The following IQANK1 variants were observed in gnomAD, a reference collection of about 807,000 sequenced individuals.
The protein encoded by IQANK1 is IQ motif and ankyrin repeat containing 1.
IQANK1 carries 30 observed loss-of-function variants against 22.6 expected under a neutral mutation model. That is an observed-to-expected ratio of 1.33 (90% CI 0.99 to 1.80). The LOEUF (loss-of-function observed/expected upper bound fraction) is 1.80. Among genes scored for constraint, IQANK1 ranks in the 40% most tolerant of loss-of-function variants. The pLI is 0.00. For missense variants in IQANK1, 275 were observed against 235.2 expected (o/e 1.17, Z -1.11); for synonymous variants, 122 against 99.6 (o/e 1.23, Z -1.34).
intron 3 of IQANK1, among the ~76,000 whole-genome samples, chr8:143,768,878 T>C (rs2129900109): frequency 6.6e-6 from 1 of 152,262 alleles, no homozygotes; most frequent in Admixed American, 6.5e-5. Flanking sequence ...CAAATGAAGA[T>C]GACTTTGACT....
At chr8:143,738,037 G>C (rs1554625922) in intron 2 of IQANK1, among the ~76,000 whole-genome samples, 1 of 152,154 alleles carries the variant, frequency 6.6e-6, no homozygotes, top group Non-Finnish European at 1.5e-5. Context: ...GCTCTGGCCT[G>C]GCCACCCTGG....
At chr8:143,746,870 A>AT (rs1386155868) in intron 3 of IQANK1, among the ~76,000 whole-genome samples, 2 of 151,598 alleles carry the variant, frequency 1.3e-5, no homozygotes, top group Admixed American at 6.6e-5. Context: ...TTTTTTATTT[A>AT]TTTATTTTAT....
chr8:143,747,966 T>TC lies in IQANK1; in HGVS notation c.175+8020dup, dbSNP rs782212609. Among the ~76,000 whole-genome samples, 405 of 138,994 alleles carry TC rather than the reference T, an allele frequency of 2.9e-3. 2 individuals carry two copies. Among genetic ancestry groups the TC allele is most frequent in the African/African-American group, 0.011 (379 of 33,200 alleles). The allele number at this position is 138,994 out of a possible 152,430, so 91.2% of individuals were successfully genotyped here. ...TCCTTTCCTTTCCTTTCCTTTCCTT[T>TC]CCTTTCCCTTTCCTTTCCCTTTCCT... On this transcript the variant is annotated intron_variant, in intron 3 of 13. Coordinates refer to ENST00000527139, the MANE Select transcript of IQANK1 (RefSeq NM_001381874.1).
At chr8:143,751,076 ACTCT>A (rs1455653135) in intron 3 of IQANK1, among the ~76,000 whole-genome samples, 1 of 151,812 alleles carries the variant, frequency 6.6e-6, no homozygotes, top group Non-Finnish European at 1.5e-5. Flanking sequence ...TAAAGTTCTA[ACTCT>A]CCAATTTGAA....
At chr8:143,737,013 T>C (rs1159117578) in intron 2 of IQANK1, among the ~76,000 whole-genome samples, 1 of 152,038 alleles carries the variant, frequency 6.6e-6, no homozygotes, top group African/African-American at 2.4e-5. Context: ...GCCAGAGAGC[T>C]CCCAGATTCA....
intron 3 of IQANK1, among the ~76,000 whole-genome samples, chr8:143,740,152 C>T (rs1554626281): frequency 6.6e-6 from 1 of 152,126 alleles, no homozygotes; most frequent in African/African-American, 2.4e-5. Flanking sequence ...GCCCCTCCCG[C>T]CGCGCCCCGC....
rs1374610459 is a variant in IQANK1 at position 143,772,186 on chromosome 8, C to A, written c.606C>A (p.Gly202=). Residue 202 remains glycine, a synonymous_variant, in exon 6 of 14, where the codon GGC becomes GGA. Coordinates refer to ENST00000527139, the MANE Select transcript of IQANK1 (RefSeq NM_001381874.1). ...CGCCGCTGTCGGAGGCGGCCGCAGG[C>A]GGGCAGCCCCTGGCCATCCAGCTGC... ...GNTPLSEAAA[G]GQPLAIQLRA... is the part of the protein sequence containing the mutation. 26 of 393,696 alleles carry A rather than the reference C, an allele frequency of 6.6e-5. No individual in the cohort carries two copies. Among genetic ancestry groups the A allele is most frequent in the Non-Finnish European group, 1.3e-5 (3 of 222,930 alleles). 24.4% of individuals were successfully genotyped at this position (393,696 alleles called of 1,614,324 possible).
chr8:143,751,678 A>ATATATATATATATATATAT (rs1554628061), intron 3 of IQANK1, among the ~76,000 whole-genome samples: 40 of 139,050 alleles, frequency 2.9e-4, no homozygotes, highest in East Asian at 6.1e-4. Context: ...ATATATATAT[A>ATATATATATATATATATAT]AAATCCTATA....
chr8:143,742,824 G>A (rs1554626771), intron 3 of IQANK1: 2 of 456,128 alleles, frequency 4.4e-6, no homozygotes, highest in African/African-American at 2.0e-5. Flanking sequence ...GGGCCACACT[G>A]GGGATGGTCC....
intron 3 of IQANK1, among the ~76,000 whole-genome samples, chr8:143,766,936 ATC>A (rs1819492069): frequency 1.3e-5 from 2 of 152,074 alleles, no homozygotes; most frequent in African/African-American, 4.8e-5. Context: ...ACTGACTGAA[ATC>A]TCTATTCTTT....
intron 3 of IQANK1, among the ~76,000 whole-genome samples, chr8:143,743,355 AGC>A (rs1485847733): frequency 2.0e-5 from 3 of 152,284 alleles, no homozygotes; most frequent in African/African-American, 7.2e-5. Context: ...CTCCTGCCTC[AGC>A]CTGAGTAGCT....
intron 3 of IQANK1, among the ~76,000 whole-genome samples, chr8:143,740,628 G>A (rs1818883328): frequency 6.6e-6 from 1 of 152,246 alleles, no homozygotes; most frequent in South Asian, 2.1e-4. Context: ...AGCCGACGGG[G>A]CCTCGCGGCC....
rs543406356 is a variant in IQANK1, at chr8:143,747,905, G to A, written c.175+7957G>A. ...CTGTTAGATCTAGTTGGTTGATTGT[G>A]TTAAGTCCTTTCCTTTCCTTTCCTT... On this transcript the variant is annotated intron_variant, in intron 3 of 13. Transcript: ENST00000527139. Among the ~76,000 whole-genome samples the A allele has an allele frequency of 2.5e-5, 3 of 118,670 alleles. No homozygotes were observed. In the East Asian group the frequency reaches 6.3e-4, roughly 25 times the overall value. The allele number at this position is 118,670 out of a possible 152,430, so 77.9% of individuals were successfully genotyped here. A position where few individuals can be genotyped will look rare whatever the true frequency, so the allele number is the denominator to read the frequency against.
chr8:143,741,686 T>C (rs1239249108), intron 3 of IQANK1: 1 of 152,570 alleles, frequency 6.6e-6, no homozygotes, highest in Non-Finnish European at 1.5e-5. Context: ...CCCACAGCGG[T>C]GGCCACCCAG....
At chr8:143,742,798 C>T in intron 3 of IQANK1, 1 of 456,112 alleles carries the variant, frequency 2.2e-6, no homozygotes, top group Non-Finnish European at 4.4e-6. Flanking sequence ...CTACTTTCAC[C>T]TTAGCCAGCA....
At chr8:143,785,943 T>C (rs1819877441) in intron 7 of IQANK1, among the ~76,000 whole-genome samples, 1 of 152,150 alleles carries the variant, frequency 6.6e-6, no homozygotes, top group Non-Finnish European at 1.5e-5. Context: ...GCCAGGCTGG[T>C]CTCCAACTCC....
At chr8:143,779,585 T>A (rs1819756994) in intron 7 of IQANK1, among the ~76,000 whole-genome samples, 1 of 152,242 alleles carries the variant, frequency 6.6e-6, no homozygotes, top group African/African-American at 2.4e-5. Flanking sequence ...CATTCATCAT[T>A]TATTGCCTAT....
chr8:143,760,602 G>C (rs1819377653), intron 3 of IQANK1: 1 of 152,122 alleles, frequency 6.6e-6, no homozygotes, highest in South Asian at 2.1e-4. Flanking sequence ...AGGATCGGTT[G>C]AGCCTGGGAG....
At chr8:143,750,016 T>C (rs1563771090) in intron 3 of IQANK1, among the ~76,000 whole-genome samples, 1 of 151,890 alleles carries the variant, frequency 6.6e-6, no homozygotes, top group Non-Finnish European at 1.5e-5. Context: ...ATTTTTTATT[T>C]TTTTTGAGGT....
Sources: allele counts gnomAD v4.1 joint callset (sites outside exome capture counted in the v4.1 genomes callset), GRCh38; gene constraint gnomAD v4.1.1; transcripts MANE v1.5; gene names NCBI Gene and HGNC (gene_info 2026-07-23, HGNC 2026-07-21).